CTNNA3: variants seen among roughly 807,000 people sequenced by gnomAD.
CTNNA3 encodes the protein catenin alpha-3.
Under a neutral mutation model 95.7 loss-of-function variants are expected in CTNNA3, and 76 were observed. That is an observed-to-expected ratio of 0.79 (90% confidence interval 0.66 to 0.96). The LOEUF (loss-of-function observed/expected upper bound fraction) is 0.96, where lower values mean the gene tolerates loss of function less well. CTNNA3 is among the 40% of genes least tolerant of loss of function. The pLI is 0.00. For synonymous variants in CTNNA3, 431 were observed against 374.4 expected (o/e 1.15, Z -1.74); for missense variants, 1,191 against 1,089.8 (o/e 1.09, Z -1.31).
chr10:67,050,386 G>C (rs949710772), intron 7 of CTNNA3, among the ~76,000 whole-genome samples: 17 of 151,978 alleles, frequency 1.1e-4, no homozygotes, highest in Admixed American at 2.0e-4. Context: ...TTTAGCTAAG[G>C]TGATGTAATT....
intron 15 of CTNNA3, among the ~76,000 whole-genome samples, chr10:65,993,479 TTTTATC>T (rs1314769231): frequency 6.6e-6 from 1 of 152,212 alleles, no homozygotes; most frequent in African/African-American, 2.4e-5. Context: ...GGATTTGTCC[TTTTATC>T]TTTAATATAA....
chr10:66,414,891 C>T (rs72806799), intron 11 of CTNNA3, among the ~76,000 whole-genome samples: 7,503 of 152,168 alleles, frequency 0.049, 258 homozygotes, highest in East Asian at 0.11. Flanking sequence ...GGTGCTGAAG[C>T]TGAGGTGCAA....
intron 7 of CTNNA3, among the ~76,000 whole-genome samples, chr10:66,963,845 A>AT (rs56659477): frequency 0.011 from 1,547 of 143,994 alleles, 24 homozygotes; most frequent in African/African-American, 0.036. Flanking sequence ...ATAGACATCA[A>AT]TTTTTTTTTT....
intron 17 of CTNNA3, among the ~76,000 whole-genome samples, chr10:65,938,515 A>G (rs1419404655): frequency 6.6e-6 from 1 of 152,182 alleles, no homozygotes; most frequent in East Asian, 1.9e-4. Context: ...GGGTTGGAAG[A>G]GGCTTGACAG....
intron 12 of CTNNA3, among the ~76,000 whole-genome samples, chr10:66,371,050 T>G (rs1464530685): frequency 6.6e-6 from 1 of 152,050 alleles, no homozygotes; most frequent in Non-Finnish European, 1.5e-5. Flanking sequence ...AAAACACTAG[T>G]CTATGCTGTT....
intron 3 of CTNNA3, among the ~76,000 whole-genome samples, chr10:67,586,676 C>A (rs922879814): frequency 7.9e-5 from 12 of 152,124 alleles, no homozygotes; most frequent in African/African-American, 2.7e-4. Context: ...TATTTTTAGT[C>A]TATATGTGTC....
intron 7 of CTNNA3, among the ~76,000 whole-genome samples, chr10:66,839,884 T>A (rs1842989327): frequency 6.7e-6 from 1 of 150,240 alleles, no homozygotes; most frequent in Non-Finnish European, 1.5e-5. Context: ...CTTTTGATGA[T>A]ATCAGCTCTA....
chr10:66,692,773 A>T (rs1265213735), intron 9 of CTNNA3, among the ~76,000 whole-genome samples: 2 of 152,152 alleles, frequency 1.3e-5, no homozygotes, highest in South Asian at 2.1e-4. Context: ...CTTGGCAGAA[A>T]CTCTACAAGC....
chr10:67,163,925 C>T (rs760000495), intron 7 of CTNNA3, among the ~76,000 whole-genome samples: 7 of 151,658 alleles, frequency 4.6e-5, no homozygotes, highest in African/African-American at 9.7e-5. Context: ...TCTAATAAAA[C>T]GTGTACGACT....
intron 7 of CTNNA3, among the ~76,000 whole-genome samples, chr10:66,906,565 G>A (rs1845993994): frequency 6.6e-6 from 1 of 152,094 alleles, no homozygotes; most frequent in Admixed American, 6.5e-5. Context: ...TAAAGGAATT[G>A]TAGACTTATA....
intron 7 of CTNNA3, among the ~76,000 whole-genome samples, chr10:66,839,220 C>G (rs1020900836): frequency 6.6e-6 from 1 of 152,138 alleles, no homozygotes; most frequent in African/African-American, 2.4e-5. Context: ...ATCTGATTCT[C>G]TTTATTCTGT....
At chr10:66,277,431 G>A (rs1429730131) in intron 13 of CTNNA3, among the ~76,000 whole-genome samples, 3 of 151,888 alleles carry the variant, frequency 2.0e-5, no homozygotes, top group South Asian at 2.1e-4. Context: ...TTGAAGAAAG[G>A]ATCAAATACT....
intron 5 of CTNNA3, among the ~76,000 whole-genome samples, chr10:67,452,061 T>TGGAAGGAAGGAA (rs59544939): frequency 0.02 from 2,449 of 121,030 alleles, 61 homozygotes; most frequent in African/African-American, 0.054. Flanking sequence ...GAGGGAGGAA[T>TGGAAGGAAGGAA]GGAAGGAAGG....
chr10:66,757,364 T>C (rs1029477176), intron 9 of CTNNA3, among the ~76,000 whole-genome samples: 1 of 152,130 alleles, frequency 6.6e-6, no homozygotes, highest in African/African-American at 2.4e-5. Flanking sequence ...CAATAGCCTA[T>C]TGAGGATTAA....
At chr10:66,432,352 T>C (rs1176511533) in intron 11 of CTNNA3, among the ~76,000 whole-genome samples, 2 of 152,162 alleles carry the variant, frequency 1.3e-5, no homozygotes, top group African/African-American at 4.8e-5. Context: ...TTTAAAATTA[T>C]TATTATACTT....
At chr10:67,123,248 G>A (rs1859553685) in intron 7 of CTNNA3, among the ~76,000 whole-genome samples, 1 of 152,104 alleles carries the variant, frequency 6.6e-6, no homozygotes, top group Non-Finnish European at 1.5e-5. Context: ...ATAAGCTACA[G>A]CCCTAGAGAC....
At chr10:67,253,222 G>A (rs7092215) in intron 5 of CTNNA3, among the ~76,000 whole-genome samples, 47,209 of 152,084 alleles carry the variant, frequency 0.31, 12,858 homozygotes, top group African/African-American at 0.73. Context: ...TAACGGGCAA[G>A]TAGTATACAG....
chr10:66,949,911 C>G (rs1848450247), intron 7 of CTNNA3, among the ~76,000 whole-genome samples: 1 of 152,196 alleles, frequency 6.6e-6, no homozygotes, highest in Non-Finnish European at 1.5e-5. Context: ...GGTTCAGAAT[C>G]ACGGGCCTAA....
chr10:66,371,024 A>G (rs1444772248), intron 12 of CTNNA3, among the ~76,000 whole-genome samples: 2 of 152,106 alleles, frequency 1.3e-5, no homozygotes, highest in African/African-American at 4.8e-5. Flanking sequence ...CCCAGCCTCA[A>G]ACAGTATGAT....
Sources: gnomAD v4.1 joint callset for allele counts (sites outside exome capture counted in the v4.1 genomes callset) on GRCh38, gnomAD v4.1.1 for gene constraint, MANE v1.5 for transcripts, NCBI Gene and HGNC (gene_info 2026-07-23, HGNC 2026-07-21) for gene names.